KCNB2: variants seen among roughly 807,000 people sequenced by gnomAD.
KCNB2 encodes delayed rectifier potassium channel protein.
Under a neutral mutation model 61.5 loss-of-function variants are expected in KCNB2, and 15 were observed. That is an observed-to-expected ratio of 0.24 (90% confidence interval 0.16 to 0.38). The LOEUF (loss-of-function observed/expected upper bound fraction) is 0.38, where lower values mean the gene tolerates loss of function less well. Among genes scored for constraint, KCNB2 ranks in the 10% least tolerant of loss-of-function variants. KCNB2 has a pLI of 1.00. For missense variants in KCNB2, 828 were observed against 1,125.2 expected (o/e 0.74, Z 3.78); for synonymous variants, 457 against 446.0 (o/e 1.02, Z -0.31).
At chr8:72,839,499 A>G (rs1188773887) in intron 2 of KCNB2, among the ~76,000 whole-genome samples, 3 of 152,086 alleles carry the variant, frequency 2.0e-5, no homozygotes, top group Non-Finnish European at 4.4e-5. Context: ...AATATGTTCA[A>G]TAATTCCTAC....
intron 2 of KCNB2, among the ~76,000 whole-genome samples, chr8:72,663,752 C>T (rs907776838): frequency 6.6e-6 from 1 of 152,066 alleles, no homozygotes; most frequent in African/African-American, 2.4e-5. Context: ...GGTGTGGAAA[C>T]AGGAAAGGTA....
At chr8:72,675,453 C>T (rs1200041047) in intron 2 of KCNB2, among the ~76,000 whole-genome samples, 1 of 151,882 alleles carries the variant, frequency 6.6e-6, no homozygotes, top group African/African-American at 2.4e-5. Context: ...ACCCTTGGTT[C>T]ACTCCCACCA....
chr8:72,655,301 G>A (rs1056048355), intron 2 of KCNB2, among the ~76,000 whole-genome samples: 1 of 152,046 alleles, frequency 6.6e-6, no homozygotes, highest in African/African-American at 2.4e-5. Flanking sequence ...ACTTGAGGGT[G>A]GGGGATGGGA....
At chr8:72,548,285 T>C (rs1806290608) in intron 1 of KCNB2, among the ~76,000 whole-genome samples, 1 of 152,194 alleles carries the variant, frequency 6.6e-6, no homozygotes, top group Admixed American at 6.5e-5. Flanking sequence ...TGTATAATGA[T>C]GGATGAAGTT....
intron 2 of KCNB2, among the ~76,000 whole-genome samples, chr8:72,673,569 G>T (rs552577423): frequency 1.3e-5 from 2 of 152,294 alleles, no homozygotes; most frequent in East Asian, 1.9e-4. Context: ...TGTAAGAACA[G>T]ACTAATACAT....
intron 2 of KCNB2, among the ~76,000 whole-genome samples, chr8:72,931,831 G>C (rs558506439): frequency 2.3e-3 from 356 of 152,244 alleles, no homozygotes; most frequent in Non-Finnish European, 2.7e-3. Flanking sequence ...TGGCCAACGT[G>C]GTGAAACGCT....
intron 2 of KCNB2, among the ~76,000 whole-genome samples, chr8:72,574,353 T>C (rs550476685): frequency 2.0e-5 from 3 of 152,180 alleles, no homozygotes; most frequent in Non-Finnish European, 2.9e-5. Context: ...CCACATCCCA[T>C]TGTGACCTAG....
At chr8:72,691,383 A>G (rs1054927386) in intron 2 of KCNB2, among the ~76,000 whole-genome samples, 21 of 152,206 alleles carry the variant, frequency 1.4e-4, no homozygotes, top group African/African-American at 5.1e-4. Flanking sequence ...AACTAATGCC[A>G]TTTCAGTCCA....
intron 2 of KCNB2, among the ~76,000 whole-genome samples, chr8:72,759,893 G>T (rs771664543): frequency 7.2e-5 from 11 of 152,146 alleles, no homozygotes; most frequent in Non-Finnish European, 1.3e-4. Flanking sequence ...TCAGAGTCAA[G>T]GTCGGGACAA....
chr8:72,873,241 C>G (rs892300585), intron 2 of KCNB2, among the ~76,000 whole-genome samples: 2 of 152,216 alleles, frequency 1.3e-5, no homozygotes, highest in Admixed American at 6.5e-5. Context: ...TCTTGTGCCG[C>G]AGAGAGGAGA....
chr8:72,584,839 G>T (rs941063001), intron 2 of KCNB2, among the ~76,000 whole-genome samples: 7 of 151,992 alleles, frequency 4.6e-5, no homozygotes, highest in Non-Finnish European at 8.8e-5. Context: ...CCCAGATTTG[G>T]AGTTGCTAAA....
chr8:72,745,425 G>A (rs946453701), intron 2 of KCNB2, among the ~76,000 whole-genome samples: 2 of 152,060 alleles, frequency 1.3e-5, no homozygotes, highest in African/African-American at 2.4e-5. Flanking sequence ...CACAAATTCA[G>A]GCATTCCTAC....
intron 2 of KCNB2, among the ~76,000 whole-genome samples, chr8:72,844,798 A>G (rs937546476): frequency 6.6e-6 from 1 of 152,148 alleles, no homozygotes; most frequent in Non-Finnish European, 1.5e-5. Context: ...CAGGTCATTT[A>G]TGTTCTTCTC....
chr8:72,854,294 C>T (rs1810168684), intron 2 of KCNB2, among the ~76,000 whole-genome samples: 1 of 152,164 alleles, frequency 6.6e-6, no homozygotes, highest in African/African-American at 2.4e-5. Flanking sequence ...TGGGCATATA[C>T]ATCTGAGATA....
At chr8:72,561,703 A>T (rs1445569884) in intron 1 of KCNB2, among the ~76,000 whole-genome samples, 1 of 20,544 alleles carries the variant, frequency 4.9e-5, no homozygotes, top group Non-Finnish European at 7.1e-5. Flanking sequence ...ATATATATAT[A>T]TATATATATA....
chr8:72,727,027 A>C (rs1187267661), intron 2 of KCNB2, among the ~76,000 whole-genome samples: 1 of 152,172 alleles, frequency 6.6e-6, no homozygotes, highest in Non-Finnish European at 1.5e-5. Flanking sequence ...TCTAATCACT[A>C]TTCACTTGCC....
intron 2 of KCNB2, among the ~76,000 whole-genome samples, chr8:72,649,926 G>T: frequency 6.6e-6 from 1 of 152,086 alleles, no homozygotes; most frequent in Non-Finnish European, 1.5e-5. Flanking sequence ...GTTCTCCTGC[G>T]AGTGACAGGT....
chr8:72,741,194 C>T (rs1807952344), intron 2 of KCNB2, among the ~76,000 whole-genome samples: 1 of 152,102 alleles, frequency 6.6e-6, no homozygotes, highest in Admixed American at 6.6e-5. Context: ...GCCTTCCAGC[C>T]TTGTATTCTG....
chr8:72,727,209 TA>T (rs903996032), intron 2 of KCNB2, among the ~76,000 whole-genome samples: 1 of 152,214 alleles, frequency 6.6e-6, no homozygotes, highest in African/African-American at 2.4e-5. Context: ...TTGGCTTTTT[TA>T]TACGTCCCCC....
Sources: gnomAD v4.1 joint callset for allele counts (sites outside exome capture counted in the v4.1 genomes callset) on GRCh38, gnomAD v4.1.1 for gene constraint, MANE v1.5 for transcripts, NCBI Gene and HGNC (gene_info 2026-07-23, HGNC 2026-07-21) for gene names.